GPC5: variants seen among roughly 807,000 people sequenced by gnomAD.
GPC5 encodes glypican-5.
GPC5 carries 47 observed loss-of-function variants against 53.9 expected under a neutral mutation model. The observed-to-expected ratio is 0.87, with a 90% CI of 0.69 to 1.11. The LOEUF (loss-of-function observed/expected upper bound fraction) is 1.11. Ranked by LOEUF, GPC5 falls within the 50% of genes most tolerant of loss-of-function variation. GPC5 has a pLI of 0.00. For synonymous variants in GPC5, 286 were observed against 263.3 expected (o/e 1.09, Z -0.84); for missense variants, 748 against 713.1 (o/e 1.05, Z -0.56).
At chr13:92,818,694 C>A (rs1877569513) in intron 7 of GPC5, among the ~76,000 whole-genome samples, 1 of 151,886 alleles carries the variant, frequency 6.6e-6, no homozygotes, top group Admixed American at 6.6e-5. Context: ...TGTATTTTTG[C>A]AGAAGATCTG....
chr13:92,594,439 C>T lies in GPC5; in HGVS notation c.1562-271843C>T, dbSNP rs752762539. Among the ~76,000 whole-genome samples, 266 of 152,100 alleles carry T rather than the reference C, an allele frequency of 1.7e-3. 1 individual carries two copies. Among genetic ancestry groups the T allele is most frequent in the Non-Finnish European group, 2.6e-3 (177 of 68,018 alleles). On this transcript the variant is annotated intron_variant, in intron 7 of 7. Transcript: ENST00000377067. ...ATTCTTTAATGAATGGTAAGACAGTCCTTACCCTACTTCCTTGTCTATTTC... is the reference window on the plus strand; with the variant it reads ...ATTCTTTAATGAATGGTAAGACAGTTCTTACCCTACTTCCTTGTCTATTTC...
intron 7 of GPC5, among the ~76,000 whole-genome samples, chr13:92,613,262 T>C (rs1884502013): frequency 7.9e-6 from 1 of 126,468 alleles, no homozygotes; most frequent in Non-Finnish European, 1.6e-5. Flanking sequence ...ATATATAATA[T>C]ATATATAAAT....
intron 7 of GPC5, among the ~76,000 whole-genome samples, chr13:92,594,647 G>T (rs531743917): frequency 2.0e-5 from 3 of 152,110 alleles, no homozygotes; most frequent in Non-Finnish European, 2.9e-5. Flanking sequence ...TGCAACCAAT[G>T]GTGAAACATG....
intron 5 of GPC5, among the ~76,000 whole-genome samples, chr13:91,876,533 G>C (rs2039203759): frequency 6.6e-6 from 1 of 152,118 alleles, no homozygotes; most frequent in Non-Finnish European, 1.5e-5. Flanking sequence ...TCTGCCTAGA[G>C]ATTTGTGGAA....
chr13:92,005,524 G>A (rs192201291), intron 6 of GPC5, among the ~76,000 whole-genome samples: 28 of 152,136 alleles, frequency 1.8e-4, no homozygotes, highest in African/African-American at 6.7e-4. Flanking sequence ...TCCTTTCAGG[G>A]TTCCTTATCC....
intron 2 of GPC5, among the ~76,000 whole-genome samples, chr13:91,496,937 T>A (rs1884301152): frequency 6.6e-6 from 1 of 152,074 alleles, no homozygotes; most frequent in East Asian, 1.9e-4. Context: ...AATAGAAAAA[T>A]TTATTTAACA....
chr13:92,605,427 G>A (rs147693530), intron 7 of GPC5, among the ~76,000 whole-genome samples: 228 of 152,274 alleles, frequency 1.5e-3, no homozygotes, highest in African/African-American at 4.9e-3. Flanking sequence ...TATGTATGAT[G>A]TTTTAGGAAG....
At chr13:92,083,371 A>T (rs976648303) in intron 6 of GPC5, among the ~76,000 whole-genome samples, 1 of 152,182 alleles carries the variant, frequency 6.6e-6, no homozygotes, top group African/African-American at 2.4e-5. Context: ...GATTGAGAAG[A>T]TGCATTTGAG....
chr13:91,928,294 T>G (rs1464220969), intron 6 of GPC5, among the ~76,000 whole-genome samples: 1 of 152,182 alleles, frequency 6.6e-6, no homozygotes, highest in African/African-American at 2.4e-5. Context: ...TAATGAGTAT[T>G]CTCTCTACCT....
chr13:91,629,987 G>T (rs1015378703), intron 2 of GPC5, among the ~76,000 whole-genome samples: 1 of 151,858 alleles, frequency 6.6e-6, no homozygotes, highest in Non-Finnish European at 1.5e-5. Flanking sequence ...CATCTTTATC[G>T]CCAGGCACAG....
Position 91,535,282 on chromosome 13 carries a change from A to C in GPC5, c.325+86360A>C, listed in dbSNP as rs184650072. Among the ~76,000 whole-genome samples the C allele has an allele frequency of 3.8e-3, 572 of 152,272 alleles. 8 individuals carry two copies. Among genetic ancestry groups the C allele is most frequent in the African/African-American group, 0.013 (548 of 41,536 alleles). Reference sequence around the variant, plus strand: ...TTCTTGATAGGATTATCATGCCTGCATTATGTACTCTAAACCCTGATTTCT... The same window carrying C: ...TTCTTGATAGGATTATCATGCCTGCCTTATGTACTCTAAACCCTGATTTCT... On this transcript the variant is annotated intron_variant, in intron 2 of 7. Coordinates refer to ENST00000377067, the MANE Select transcript of GPC5 (RefSeq NM_004466.6).
intron 7 of GPC5, among the ~76,000 whole-genome samples, chr13:92,287,760 C>T (rs2042966412): frequency 6.6e-6 from 1 of 152,086 alleles, no homozygotes. Context: ...TAAGATCCTG[C>T]TTGTAGCTTG....
rs539178887 is a variant in GPC5, at chr13:92,072,523, C to T, written c.1402-72307C>T. Reference sequence around the variant, plus strand: ...CTTGTGATCCACCTACTTCAGCCTCCGAAGTGCTGGGATTACAGGCGTGAG... The same window carrying T: ...CTTGTGATCCACCTACTTCAGCCTCTGAAGTGCTGGGATTACAGGCGTGAG... On this transcript the variant is annotated intron_variant, in intron 6 of 7. Transcript: ENST00000377067. Among the ~76,000 whole-genome samples, 8 of 150,316 alleles carry T rather than the reference C, an allele frequency of 5.3e-5. No individual in the cohort carries two copies. In the East Asian group the frequency reaches 8.0e-4, roughly 15 times the overall value.
intron 7 of GPC5, among the ~76,000 whole-genome samples, chr13:92,696,381 C>A (rs776812217): frequency 2.6e-5 from 4 of 152,086 alleles, no homozygotes; most frequent in African/African-American, 4.8e-5. Flanking sequence ...TTTTTAATGA[C>A]CGCCATTCTA....
chr13:91,783,947 G>T (rs745462681), intron 5 of GPC5, among the ~76,000 whole-genome samples: 4 of 152,154 alleles, frequency 2.6e-5, no homozygotes, highest in South Asian at 2.1e-4. Flanking sequence ...GGTCCCAAAA[G>T]ATAATTTATA....
In GPC5 at chr13:92,207,426, C is replaced by T. The variant is rs548572716; in HGVS notation, c.1561+62437C>T. 3.9e-5 allele frequency among the ~76,000 whole-genome samples: 6 copies of T among 152,240 alleles called. No homozygotes were observed. In the South Asian group the frequency reaches 1.0e-3, roughly 26 times the overall value. On this transcript the variant is annotated intron_variant, in intron 7 of 7. Transcript: ENST00000377067. ...AGCCCTAGTCCTGAAACCACTACAT[C>T]GGATAGCAAAAAAAGAAAGTTGAGA...
At chr13:92,300,238 G>A (rs557785692) in intron 7 of GPC5, among the ~76,000 whole-genome samples, 15 of 152,144 alleles carry the variant, frequency 9.9e-5, no homozygotes, top group African/African-American at 3.6e-4. Flanking sequence ...GACCTACATT[G>A]CAAAACACAC....
At chr13:92,559,234 C>T (rs1480723547) in intron 7 of GPC5, among the ~76,000 whole-genome samples, 2 of 151,386 alleles carry the variant, frequency 1.3e-5, no homozygotes, top group South Asian at 2.1e-4. Flanking sequence ...AATGCAATGA[C>T]GAAAGAGATG....
intron 7 of GPC5, among the ~76,000 whole-genome samples, chr13:92,451,693 G>A (rs1333771945): frequency 1.3e-5 from 2 of 152,138 alleles, no homozygotes; most frequent in Non-Finnish European, 2.9e-5. Context: ...CTTGTTTTTA[G>A]TGTACTTAAT....
Sources: allele counts gnomAD v4.1 joint callset (sites outside exome capture counted in the v4.1 genomes callset), GRCh38; gene constraint gnomAD v4.1.1; transcripts MANE v1.5; gene names NCBI Gene and HGNC (gene_info 2026-07-23, HGNC 2026-07-21).